The following ACOT7 variants were observed in gnomAD, a reference collection of about 807,000 sequenced individuals.
ACOT7 encodes cytosolic acyl coenzyme A thioester hydrolase.
In ACOT7, 12 loss-of-function variants were observed where a neutral mutation model predicts 40.2. The ratio of observed to expected loss-of-function variants is 0.30; its 90% CI spans 0.19 to 0.48. The LOEUF is 0.48. ACOT7 is among the 20% of genes least tolerant of loss of function. The pLI, the probability that ACOT7 is intolerant of heterozygous loss-of-function variation, is 0.99. For missense variants in ACOT7, 395 were observed against 530.8 expected (o/e 0.74, Z 2.51); for synonymous variants, 228 against 219.5 (o/e 1.04, Z -0.34).
In ACOT7 at chr1:6,311,726, GAGA is replaced by G. The variant is rs1317325547; in HGVS notation, c.712+6763_712+6765del. ...GGATTTCAGAACTGGGAAACTTGCT[GAGA>G]AGAAGGGAAACACACTCATGGACAC... On this transcript the variant is annotated intron_variant, in intron 6 of 8. Transcript: ENST00000361521. The surrounding 1 kb of genome is among the most constrained non-coding windows in gnomAD (Gnocchi z 5.2). Among the ~76,000 whole-genome samples the G allele has an allele frequency of 6.6e-6, 1 of 152,234 alleles. No individual in the cohort carries two copies. The highest frequency in any genetic ancestry group is 1.5e-5 in the Non-Finnish European group (1 of 68,042).
At position 6,301,827 on chromosome 1, in the gene ACOT7, T is replaced by C. The variant is rs1187548468; in HGVS notation, c.713-6847A>G. Among the ~76,000 whole-genome samples, 1 of 151,970 alleles carries C rather than the reference T, an allele frequency of 6.6e-6. No homozygotes were observed. Among genetic ancestry groups the C allele is most frequent in the Non-Finnish European group, 1.5e-5 (1 of 68,000 alleles). ...ACCGGCCAAAAAACCAAGCCCACAC[T>C]CAAAATGATCTTGCTGTGTGAGCTG... On this transcript the variant is annotated intron_variant, in intron 6 of 8. Coordinates refer to ENST00000361521, the MANE Select transcript of ACOT7 (RefSeq NM_007274.4). This position sits in a 1 kb window ranked among gnomAD's most constrained non-coding sequence, Gnocchi z 4.1.
rs1035653805 is a variant in ACOT7 at position 6,278,697 on chromosome 1, C to T, written c.1014+2405G>A. On this transcript the variant is annotated intron_variant, in intron 8 of 8. Transcript: ENST00000361521. The surrounding 1 kb of genome is among the most constrained non-coding windows in gnomAD (Gnocchi z 4.1). ...GAGGCACAGACCATGGATCTGACCA[C>T]CCCAGGAGAGAAGGGCCACAGGTTA... Among the ~76,000 whole-genome samples, 1 of 152,196 alleles carries T rather than the reference C, an allele frequency of 6.6e-6. No homozygotes were observed. The highest frequency in any genetic ancestry group is 1.9e-4 in the East Asian group (1 of 5,200).
In ACOT7 at chr1:6,374,473, C is replaced by A. The variant is rs112997798; in HGVS notation, c.143+18784G>T. On this transcript the variant is annotated intron_variant, in intron 1 of 8. Coordinates refer to ENST00000361521, the MANE Select transcript of ACOT7 (RefSeq NM_007274.4). ...ATGCCCTGAACACACAGGCTTGGGG[C>A]CTGTGGGGAGAAGCTGAGCTCCACA... Among the ~76,000 whole-genome samples the A allele has an allele frequency of 2.3e-3, 345 of 152,354 alleles. 1 individual carries two copies. Among genetic ancestry groups the A allele is most frequent in the African/African-American group, 8.0e-3 (334 of 41,584 alleles).
At chr1:6,374,607 G>A (rs548537738) in intron 1 of ACOT7, among the ~76,000 whole-genome samples, 1 of 152,270 alleles carries the variant, frequency 6.6e-6, no homozygotes, top group Admixed American at 6.5e-5. Flanking sequence ...GGTGGAAATG[G>A]CCAAGGAGGT....
chr1:6,354,324 A>G (rs1641677732), intron 1 of ACOT7, among the ~76,000 whole-genome samples: 2 of 152,038 alleles, frequency 1.3e-5, no homozygotes, highest in Admixed American at 1.3e-4. Context: ...CTGAAGGGTG[A>G]GCCAGGAGCA....
intron 1 of ACOT7, among the ~76,000 whole-genome samples, chr1:6,373,597 G>A (rs912340890): frequency 4.0e-5 from 6 of 151,828 alleles, no homozygotes; most frequent in Non-Finnish European, 7.4e-5. Context: ...GGGAGCAGTG[G>A]CTCACGCCTA....
At chr1:6,302,881 G>A (rs1640011124) in intron 6 of ACOT7, among the ~76,000 whole-genome samples, 1 of 152,100 alleles carries the variant, frequency 6.6e-6, no homozygotes, top group Non-Finnish European at 1.5e-5. Context: ...CAATGCCTGT[G>A]TCTATGACAG....
chr1:6,306,314 A>G lies in ACOT7; in HGVS notation c.713-11334T>C. 1.0e-6 allele frequency: 1 copy of G among 985,288 alleles called. No individual in the cohort carries two copies. Among genetic ancestry groups the G allele is most frequent in the Non-Finnish European group, 1.2e-6 (1 of 829,902 alleles). 61.0% of individuals were successfully genotyped at this position (985,288 alleles called of 1,614,324 possible). On this transcript the variant is annotated intron_variant, in intron 6 of 8. Coordinates refer to ENST00000361521, the MANE Select transcript of ACOT7 (RefSeq NM_007274.4). This position sits in a 1 kb window ranked among gnomAD's most constrained non-coding sequence, Gnocchi z 4.3. ...AAAGGGGTCAGTGCCCCATGATTTG[A>G]GAGGGATGACGTGCTGGCCACCAGG...
Position 6,282,632 on chromosome 1 carries a change from T to C in ACOT7, c.830-1346A>G, listed in dbSNP as rs1235202959. On this transcript the variant is annotated intron_variant, in intron 7 of 8. Transcript: ENST00000361521. The surrounding 1 kb of genome is among the most constrained non-coding windows in gnomAD (Gnocchi z 4.5). ...TGAGAAAGCGGCCAGGTGGTGGCTG[T>C]TGGAGGGCGGTTAGCAGGCCAGAGG... is the stretch of plus-strand genomic sequence containing the variant. 1.3e-5 allele frequency: 14 copies of C among 1,049,850 alleles called. No individual in the cohort carries two copies. In the South Asian group the frequency reaches 1.5e-4, roughly 11 times the overall value. The allele number at this position is 1,049,850 out of a possible 1,614,324, so 65.0% of individuals were successfully genotyped here.
chr1:6,384,667 A>T lies in ACOT7; in HGVS notation c.143+8590T>A, dbSNP rs1011351396. On this transcript the variant is annotated intron_variant, in intron 1 of 8. Transcript: ENST00000361521. ...GTAAGGTTGAAAGCGCTAACCCGCT[A>T]ATCCTCCCTTGGCCTTTCTGGAGAC... 2.0e-5 allele frequency among the ~76,000 whole-genome samples: 3 copies of T among 151,738 alleles called. No individual in the cohort carries two copies. The East Asian group carries it at 5.8e-4, about 29-fold the overall frequency.
At chr1:6,336,109 G>C (rs1272496658) in intron 3 of ACOT7, among the ~76,000 whole-genome samples, 2 of 152,196 alleles carry the variant, frequency 1.3e-5, no homozygotes, top group African/African-American at 4.8e-5. Context: ...CACTCTGGCA[G>C]GCCGAGGCAG....
At chr1:6,296,084 T>TG (rs945293396) in intron 6 of ACOT7, among the ~76,000 whole-genome samples, 4 of 152,058 alleles carry the variant, frequency 2.6e-5, no homozygotes, top group African/African-American at 9.7e-5. Context: ...TTGTTGTAGA[T>TG]GGGGTCTTGC....
In ACOT7 at chr1:6,359,003, G is replaced by T; in HGVS notation, c.144-9137C>A. ...CCAGCTTCCTGAGCTGCCCAATCTG[G>T]CCAGGAAGAGGCTGCCTCGCCAATC... On this transcript the variant is annotated intron_variant, in intron 1 of 8. Coordinates refer to ENST00000361521, the MANE Select transcript of ACOT7 (RefSeq NM_007274.4). This position sits in a 1 kb window ranked among gnomAD's most constrained non-coding sequence, Gnocchi z 4.1. The T allele has an allele frequency of 7.8e-7, 1 of 1,289,548 alleles. No individual in the cohort carries two copies. The highest frequency in any genetic ancestry group is 1.0e-6 in the Non-Finnish European group (1 of 966,292). 79.9% of individuals were successfully genotyped at this position (1,289,548 alleles called of 1,614,324 possible).
At chr1:6,266,196 T>C (rs567164298) in intron 8 of ACOT7, among the ~76,000 whole-genome samples, 1 of 152,244 alleles carries the variant, frequency 6.6e-6, no homozygotes, top group East Asian at 1.9e-4. Context: ...AAAATAAAAT[T>C]TGAGGCTATG....
At chr1:6,366,054 C>T (rs1642003947) in intron 1 of ACOT7, among the ~76,000 whole-genome samples, 1 of 151,702 alleles carries the variant, frequency 6.6e-6, no homozygotes, top group Non-Finnish European at 1.5e-5. Flanking sequence ...GTCACCACGC[C>T]CAGCTAATTT....
chr1:6,291,774 T>A (rs912567699), intron 7 of ACOT7, among the ~76,000 whole-genome samples: 2 of 152,090 alleles, frequency 1.3e-5, no homozygotes, highest in African/African-American at 4.8e-5. Flanking sequence ...GCAGAGTCCA[T>A]GAGAAAGTCA....
chr1:6,379,973 G>A (rs1642305152), intron 1 of ACOT7, among the ~76,000 whole-genome samples: 1 of 151,828 alleles, frequency 6.6e-6, no homozygotes, highest in African/African-American at 2.4e-5. Flanking sequence ...AGTTGAGGCA[G>A]GGGAATCACT....
At chr1:6,277,555 G>A (rs765809066) in intron 8 of ACOT7, among the ~76,000 whole-genome samples, 10 of 152,252 alleles carry the variant, frequency 6.6e-5, no homozygotes, top group Admixed American at 1.3e-4. Flanking sequence ...CTAGCCGGGT[G>A]GCCTCGGGTG....
chr1:6,284,822 G>A (rs1639458299), intron 7 of ACOT7, among the ~76,000 whole-genome samples: 1 of 152,056 alleles, frequency 6.6e-6, no homozygotes, highest in Admixed American at 6.6e-5. Context: ...CACCCCACCA[G>A]AGTGGCCTTC....
Sources: allele counts gnomAD v4.1 joint callset (sites outside exome capture counted in the v4.1 genomes callset), GRCh38; gene constraint gnomAD v4.1.1; non-coding constraint Gnocchi (gnomAD v3.1); transcripts MANE v1.5; gene names NCBI Gene and HGNC (gene_info 2026-07-23, HGNC 2026-07-21).